KLRG2: variants seen among roughly 807,000 people sequenced by gnomAD.
KLRG2 encodes the protein killer cell lectin-like receptor subfamily G member 2.
A neutral mutation model predicts 35.4 loss-of-function variants in KLRG2; 39 were observed. The observed-to-expected ratio is 1.10, with a 90% CI of 0.85 to 1.44. The LOEUF is 1.44. Among genes scored for constraint, KLRG2 ranks in the 40% most tolerant of loss-of-function variants. The probability of loss-of-function intolerance (pLI) is 0.00; values close to 1 mark genes in which losing one functional copy is unlikely to be tolerated. For missense variants in KLRG2, 632 were observed against 570.9 expected (o/e 1.11, Z -1.09); for synonymous variants, 283 against 265.8 (o/e 1.06, Z -0.63).
chr7:139,455,768 C>T (rs867185483), intron 3 of KLRG2, among the ~76,000 whole-genome samples: 2 of 152,184 alleles, frequency 1.3e-5, no homozygotes, highest in African/African-American at 2.4e-5. Flanking sequence ...GCAGCACCAC[C>T]ACTCCTGCTC....
downstream of KLRG2, among the ~76,000 whole-genome samples, chr7:139,448,058 A>T (rs1419910749): frequency 6.6e-6 from 1 of 151,982 alleles, no homozygotes; most frequent in East Asian, 1.9e-4. Flanking sequence ...GCAGGCGTAC[A>T]ATCATGGCTC....
chr7:139,447,271 C>T, the KLRG2 span, among the ~76,000 whole-genome samples: 1 of 152,310 alleles, frequency 6.6e-6, no homozygotes, highest in Admixed American at 6.5e-5. Context: ...GTGCAAACAT[C>T]ATTTAATTAC....
chr7:139,428,458 T>A, the KLRG2 span, among the ~76,000 whole-genome samples: 1 of 152,082 alleles, frequency 6.6e-6, no homozygotes, highest in African/African-American at 2.4e-5. Flanking sequence ...GGGATCACAC[T>A]ATGTTTCCCA....
chr7:139,454,169 C>A lies in KLRG2; in HGVS notation c.1051G>T (p.Ala351Ser), dbSNP rs924468060. The A allele has an allele frequency of 6.5e-7, 1 of 1,544,836 alleles. No individual in the cohort carries two copies. The highest frequency in any genetic ancestry group is 8.7e-7 in the Non-Finnish European group (1 of 1,143,882). The part of the protein sequence containing the change: ...YPVSRHSWVG[A>S]WRGPQGWHWI... The stretch of plus-strand genomic sequence containing the variant: ...TGCCAGCCCTGGGGGCCTCGCCAGG[C>A]CCCCACCCAGGAGTGCCTGGAGACT... The change falls in exon 4 of 5, where the codon GCC (alanine) becomes TCC (serine). Residue 351 changes from alanine to serine, a missense_variant. By Grantham distance (99) the Ala-to-Ser change is moderately conservative. Transcript: ENST00000340940.
downstream of KLRG2, among the ~76,000 whole-genome samples, chr7:139,448,077 C>G (rs1796330152): frequency 6.6e-6 from 1 of 152,116 alleles, no homozygotes; most frequent in Non-Finnish European, 1.5e-5. Flanking sequence ...TCACTGCAGC[C>G]TCAACCTCCT....
Position 139,483,028 on chromosome 7 carries a change from G to T in KLRG2, c.615C>A (p.Pro205=), listed in dbSNP as rs889893606. ...CCGGGGAGCCGGCGCTTCCTTCCGC[G>T]GGGCTGGCCCGGCCCTCTGCGTCGC... ...SGCDAEGRAS[P]AEGSAGSPGS... The change falls in exon 1 of 5, where the codon CCC becomes CCA. Residue 205 remains proline, a synonymous_variant. Coordinates refer to ENST00000340940, the MANE Select transcript of KLRG2 (RefSeq NM_198508.4). 7.3e-6 allele frequency: 10 copies of T among 1,364,592 alleles called. No individual in the cohort carries two copies. Among genetic ancestry groups the T allele is most frequent in the Non-Finnish European group, 9.4e-6 (10 of 1,067,070 alleles). 84.5% of individuals were successfully genotyped at this position (1,364,592 alleles called of 1,614,324 possible). A position where few individuals can be genotyped will look rare whatever the true frequency, so the allele number is the denominator to read the frequency against.
downstream of KLRG2, among the ~76,000 whole-genome samples, chr7:139,452,219 G>A (rs1254625894): frequency 1.3e-5 from 2 of 151,796 alleles, no homozygotes; most frequent in Non-Finnish European, 2.9e-5. Context: ...CTTGTGATTC[G>A]CCCACCTCGG....
Position 139,482,866 on chromosome 7 carries a change from C to A in KLRG2, c.757+20G>T. The A allele has an allele frequency of 1.4e-6, 2 of 1,383,854 alleles. No individual in the cohort carries two copies. Among genetic ancestry groups the A allele is most frequent in the South Asian group, 1.7e-5 (1 of 59,872 alleles). The allele number at this position is 1,383,854 out of a possible 1,614,324, so 85.7% of individuals were successfully genotyped here. A position where few individuals can be genotyped will look rare whatever the true frequency, so the allele number is the denominator to read the frequency against. On this transcript the variant is annotated intron_variant, in intron 1 of 4. Transcript: ENST00000340940. Reference sequence around the variant, plus strand: ...CACCCGACCTGGCGGCGTCGGCTGCCGGCGCAGGTGAGCACTCACCCGTAA... The same window carrying A: ...CACCCGACCTGGCGGCGTCGGCTGCAGGCGCAGGTGAGCACTCACCCGTAA...
At chr7:139,466,326 T>C (rs908271290) in intron 3 of KLRG2, among the ~76,000 whole-genome samples, 3 of 152,160 alleles carry the variant, frequency 2.0e-5, no homozygotes, top group Non-Finnish European at 4.4e-5. Flanking sequence ...TCTTCTCTTC[T>C]GTCAGACATA....
the KLRG2 span, among the ~76,000 whole-genome samples, chr7:139,430,718 A>C: frequency 6.6e-6 from 1 of 152,258 alleles, no homozygotes; most frequent in East Asian, 1.9e-4. Context: ...ATTAGAAAGC[A>C]GATAAACAGG....
In KLRG2 at chr7:139,479,639, T is replaced by A. The variant is rs556453782; in HGVS notation, c.993A>T (p.Leu331=). 2.5e-6 allele frequency: 4 copies of A among 1,613,012 alleles called. No homozygotes were observed. In the South Asian group the frequency reaches 4.4e-5, roughly 18 times the overall value. ...CSAYHATLPL[L]SHTQDFLGRY... is the part of the protein sequence containing the mutation. The stretch of plus-strand genomic sequence containing the variant: ...ACCCCCTTCTCACCTGGGTGTGGCT[T>A]AGCAGGGGGAGGGTAGCGTGGTAGG... Residue 331 remains leucine, a synonymous_variant, in exon 3 of 5, where the codon CTA becomes CTT. Transcript: ENST00000340940.
Position 139,483,540 on chromosome 7 carries a change from G to T in KLRG2, c.103C>A (p.Pro35Thr), listed in dbSNP as rs780319764. 1.1e-4 allele frequency: 179 copies of T among 1,598,622 alleles called. No homozygotes were observed. Among genetic ancestry groups the T allele is most frequent in the Non-Finnish European group, 1.4e-4 (169 of 1,178,850 alleles). ...CCTTCAGGTTGTCGCACCTTCGCGG[G>T]CACCTGCGGCTGCTCCAGCGTGGGG... ...LVPTLEQPQV[P>T]AKVRQPEGPE... The change falls in exon 1 of 5, where the codon CCC (proline) becomes ACC (threonine). Residue 35 changes from proline (P) to threonine (T), a missense_variant. Coordinates refer to ENST00000340940, the MANE Select transcript of KLRG2 (RefSeq NM_198508.4).
the KLRG2 span, among the ~76,000 whole-genome samples, chr7:139,428,598 G>C: frequency 6.6e-6 from 1 of 152,022 alleles, no homozygotes; most frequent in Non-Finnish European, 1.5e-5. Flanking sequence ...TGTTCAGAAA[G>C]TTTAATTTAC....
intron 3 of KLRG2, among the ~76,000 whole-genome samples, chr7:139,473,761 G>T (rs1306465063): frequency 8.5e-5 from 13 of 152,198 alleles, no homozygotes; most frequent in Admixed American, 8.5e-4. Context: ...ATCACCCGAG[G>T]TCAGGAGTTC....
chr7:139,438,792 C>G, the KLRG2 span, among the ~76,000 whole-genome samples: 1 of 151,906 alleles, frequency 6.6e-6, no homozygotes, highest in Admixed American at 6.6e-5. Flanking sequence ...TCTCCTGCCT[C>G]AACCTCCTGA....
At chr7:139,443,211 C>T in the KLRG2 span, among the ~76,000 whole-genome samples, 5 of 150,238 alleles carry the variant, frequency 3.3e-5, no homozygotes, top group African/African-American at 4.9e-5. Flanking sequence ...TCTCCTGCCT[C>T]AGCCTCCCAA....
At chr7:139,453,796 C>G (rs1396769475) in intron 4 of KLRG2, 89 bp from the exon 5 acceptor site, 9 of 1,501,122 alleles carry the variant, frequency 6.0e-6, no homozygotes, top group African/African-American at 1.4e-5. Context: ...GTGTGCCTGT[C>G]ACCTCTACCG....
At chr7:139,451,297 C>T (rs542628099), downstream of KLRG2, among the ~76,000 whole-genome samples, 173 of 152,242 alleles carry the variant, frequency 1.1e-3, no homozygotes, top group Non-Finnish European at 1.8e-3. Context: ...GTCAGGAGTT[C>T]GAGACCAGCC....
chr7:139,443,171 T>C, the KLRG2 span, among the ~76,000 whole-genome samples: 2 of 149,002 alleles, frequency 1.3e-5, no homozygotes, highest in Admixed American at 1.3e-4. Context: ...CTTGGCTCAC[T>C]GCAACCTCTG....
Sources: allele counts gnomAD v4.1 joint callset (sites outside exome capture counted in the v4.1 genomes callset), GRCh38; gene constraint gnomAD v4.1.1; transcripts MANE v1.5; gene names NCBI Gene and HGNC (gene_info 2026-07-23, HGNC 2026-07-21).